ADK: variants seen among roughly 807,000 people sequenced by gnomAD.
ADK encodes adenosine kinase, also known as N6,N6-dimethyladenosine kinase.
ADK carries 24 observed loss-of-function variants against 44.7 expected under a neutral mutation model. That is an observed-to-expected ratio of 0.54 (90% CI 0.39 to 0.76). The LOEUF is 0.76. ADK is among the 30% of genes least tolerant of loss of function. The probability of loss-of-function intolerance (pLI) is 0.00; values close to 1 mark genes in which losing one functional copy is unlikely to be tolerated. For missense variants in ADK, 321 were observed against 425.1 expected (o/e 0.76, Z 2.15); for synonymous variants, 128 against 142.6 (o/e 0.90, Z 0.73).
In ADK at chr10:74,705,960, T is replaced by C. The variant is rs78052260; in HGVS notation, c.965-2361T>C. 1.0e-3 allele frequency among the ~76,000 whole-genome samples: 154 copies of C among 152,352 alleles called. 3 individuals carry two copies. In the East Asian group the frequency reaches 0.029, roughly 28 times the overall value. On this transcript the variant is annotated intron_variant, in intron 10 of 10. Coordinates refer to ENST00000539909, the MANE Select transcript of ADK (RefSeq NM_006721.4). The stretch of plus-strand genomic sequence containing the variant: ...TAAAATGTTAAATACTTTTGCCTAC[T>C]TTGTGTTGAGTTGTTTCTTGTTATT...
intron 7 of ADK, among the ~76,000 whole-genome samples, chr10:74,570,618 T>C (rs1564797731): frequency 6.6e-6 from 1 of 152,218 alleles, no homozygotes; most frequent in Non-Finnish European, 1.5e-5. Flanking sequence ...AGAATGCTTG[T>C]GATTTTTGCA....
At chr10:74,705,324 G>T (rs1215777716) in intron 10 of ADK, among the ~76,000 whole-genome samples, 1 of 152,250 alleles carries the variant, frequency 6.6e-6, no homozygotes, top group Non-Finnish European at 1.5e-5. Flanking sequence ...TAAGGGGAAG[G>T]TAGCCCAGAT....
chr10:74,359,668 C>T (rs963381684), intron 4 of ADK, among the ~76,000 whole-genome samples: 1 of 152,104 alleles, frequency 6.6e-6, no homozygotes, highest in African/African-American at 2.4e-5. Flanking sequence ...TATAATCATG[C>T]CACTGCACTC....
At chr10:74,680,320 A>G (rs924888813) in intron 10 of ADK, among the ~76,000 whole-genome samples, 2 of 54,826 alleles carry the variant, frequency 3.6e-5, no homozygotes, top group Non-Finnish European at 7.5e-5. Context: ...ATCTCAAGAA[A>G]AAAAAAAAAA....
intron 6 of ADK, among the ~76,000 whole-genome samples, chr10:74,461,083 A>G (rs1313087645): frequency 6.6e-6 from 1 of 152,176 alleles, no homozygotes; most frequent in Non-Finnish European, 1.5e-5. Context: ...TGATTAAAGT[A>G]AGGAATACTT....
At chr10:74,220,056 G>C (rs889343994) in intron 2 of ADK, among the ~76,000 whole-genome samples, 32 of 151,314 alleles carry the variant, frequency 2.1e-4, no homozygotes, top group Admixed American at 5.9e-4. Context: ...ACAAAAAACC[G>C]TTCAAAAAAT....
At chr10:74,487,896 C>A (rs1847322248) in intron 6 of ADK, among the ~76,000 whole-genome samples, 1 of 151,980 alleles carries the variant, frequency 6.6e-6, no homozygotes, top group African/African-American at 2.4e-5. Context: ...ATGTTTTCAA[C>A]CAATCAGTAC....
intron 9 of ADK, among the ~76,000 whole-genome samples, chr10:74,610,599 A>G (rs1852504005): frequency 6.6e-6 from 1 of 152,132 alleles, no homozygotes; most frequent in Non-Finnish European, 1.5e-5. Context: ...ATATTTTTCA[A>G]TTTAAAAAAA....
intron 1 of ADK, among the ~76,000 whole-genome samples, chr10:74,189,657 A>T (rs10824103): frequency 0.13 from 20,046 of 152,236 alleles, 1,333 homozygotes; most frequent in Middle Eastern, 0.21. Flanking sequence ...AGTTTTCAGT[A>T]TATTCACAAG....
intron 7 of ADK, among the ~76,000 whole-genome samples, chr10:74,553,140 T>C (rs939683545): frequency 6.7e-6 from 1 of 148,226 alleles, no homozygotes; most frequent in African/African-American, 2.5e-5. Context: ...AGAAGATTCA[T>C]AGCAGCAAAC....
intron 6 of ADK, among the ~76,000 whole-genome samples, chr10:74,409,113 AG>A (rs1287370552): frequency 1.3e-5 from 2 of 152,196 alleles, no homozygotes; most frequent in Non-Finnish European, 2.9e-5. Flanking sequence ...TGTAATTACT[AG>A]TTTTGTAATT....
At chr10:74,597,252 T>C (rs1236369324) in intron 8 of ADK, among the ~76,000 whole-genome samples, 1 of 152,208 alleles carries the variant, frequency 6.6e-6, no homozygotes, top group Non-Finnish European at 1.5e-5. Context: ...TTTTAACTTT[T>C]TATTTTAAAA....
At chr10:74,474,441 C>T (rs1846735745) in intron 6 of ADK, among the ~76,000 whole-genome samples, 1 of 151,844 alleles carries the variant, frequency 6.6e-6, no homozygotes, top group Admixed American at 6.6e-5. Flanking sequence ...CTTTTCTTTT[C>T]TTTCTTTCTT....
intron 4 of ADK, among the ~76,000 whole-genome samples, chr10:74,390,846 G>A (rs975705825): frequency 1.3e-5 from 2 of 152,166 alleles, no homozygotes; most frequent in African/African-American, 2.4e-5. Context: ...ATAATAGTAC[G>A]TAAGTGACAC....
chr10:74,489,588 A>C (rs1847397850), intron 6 of ADK, among the ~76,000 whole-genome samples: 2 of 151,932 alleles, frequency 1.3e-5, no homozygotes, highest in African/African-American at 4.8e-5. Context: ...GTGTGCTAGC[A>C]TTCTGTTTCC....
intron 6 of ADK, among the ~76,000 whole-genome samples, chr10:74,399,033 T>C (rs1219190793): frequency 6.6e-6 from 1 of 151,980 alleles, no homozygotes; most frequent in African/African-American, 2.4e-5. Flanking sequence ...ACCTCTTAAT[T>C]TAATATTTCA....
chr10:74,410,071 G>A (rs1904061), intron 6 of ADK, among the ~76,000 whole-genome samples: 7 of 151,850 alleles, frequency 4.6e-5, no homozygotes, highest in African/African-American at 1.2e-4. Flanking sequence ...GAAATTTTAC[G>A]TGTCAGTAAT....
rs1554878464 is a variant in ADK, at chr10:74,541,795, C to CA, written c.726+16369_726+16370insA. 5.2e-3 allele frequency among the ~76,000 whole-genome samples: 100 copies of CA among 19,334 alleles called. 3 individuals carry two copies. The highest frequency in any genetic ancestry group is 7.6e-3 in the South Asian group (6 of 792). The allele number at this position is 19,334 out of a possible 152,430, so 12.7% of individuals were successfully genotyped here. Reference sequence around the variant, plus strand: ...GTTACAGAACGAGAACCCCCACACACCCCCCCCCCCTAAAAAAAAACAACA... The same window carrying CA: ...GTTACAGAACGAGAACCCCCACACACACCCCCCCCCCTAAAAAAAAACAACA... On this transcript the variant is annotated intron_variant, in intron 7 of 10. Coordinates refer to ENST00000539909, the MANE Select transcript of ADK (RefSeq NM_006721.4).
At position 74,709,093 on chromosome 10, in the gene ADK, C is replaced by T. The variant is rs1189553; in HGVS notation, c.*648C>T. 0.83 allele frequency: 125,829 copies of T among 152,282 alleles called. 52,533 individuals carry two copies. The highest frequency in any genetic ancestry group is 0.94 in the African/African-American group (39,165 of 41,554). 9.4% of individuals were successfully genotyped at this position (152,282 alleles called of 1,614,324 possible). On this transcript the variant is annotated 3_prime_UTR_variant, in exon 11 of 11. Coordinates refer to ENST00000539909, the MANE Select transcript of ADK (RefSeq NM_006721.4). ...AGTCTTATGGAACTCTGTAATTGGA[C>T]ACAAACAAAAACTTGTCATATAGGA...
Sources: gnomAD v4.1 joint callset for allele counts (sites outside exome capture counted in the v4.1 genomes callset) on GRCh38, gnomAD v4.1.1 for gene constraint, MANE v1.5 for transcripts, NCBI Gene and HGNC (gene_info 2026-07-23, HGNC 2026-07-21) for gene names.